CDHR1: variants seen among roughly 807,000 people sequenced by gnomAD.
The protein encoded by CDHR1 is cadherin related family member 1.
A neutral mutation model predicts 72.1 loss-of-function variants in CDHR1; 61 were observed. That is an observed-to-expected ratio of 0.85 (90% CI 0.69 to 1.05). The LOEUF is 1.05. Ranked by LOEUF, CDHR1 falls within the 50% of genes least tolerant of loss-of-function variation. The pLI, the probability that CDHR1 is intolerant of heterozygous loss-of-function variation, is 0.00. For missense variants in CDHR1, 1,186 were observed against 1,115.7 expected, an observed-to-expected ratio of 1.06 and a Z score of -0.90; for synonymous variants, 470 against 448.1, an observed-to-expected ratio of 1.05 and a Z score of -0.62.
In CDHR1 at chr10:84,208,198, A is replaced by G. The variant is rs1564662186; in HGVS notation, c.988A>G (p.Ser330Gly). The change falls in exon 11 of 17, where the codon AGC becomes GGC. Residue 330 changes from serine (S) to glycine (G), a missense_variant. Ser to Gly is a moderately conservative substitution (Grantham distance 56). Transcript: ENST00000623527. ...GGTGACTGAAATGAGCCCTGCGGGG[A>G]GCCCAGCTGCCCAGGCCACCGTCCC... ...VQVTEMSPAGSPAAQATVPVT... is the reference protein window; with the variant it reads ...VQVTEMSPAGGPAAQATVPVT... 6.2e-7 allele frequency: 1 copy of G among 1,614,068 alleles called. No individual in the cohort carries two copies. The highest frequency in any genetic ancestry group is 8.5e-7 in the Non-Finnish European group (1 of 1,180,022).
intron 13 of CDHR1, 80 bp from the exon 14 acceptor site, chr10:84,211,568 A>G: frequency 1.5e-6 from 2 of 1,320,232 alleles, no homozygotes; most frequent in South Asian, 1.2e-5. Flanking sequence ...TTTGTGGTTG[A>G]AAGCAACCCT....
chr10:84,217,870 A>G lies in CDHR1; in HGVS notation c.*3249A>G. 2.0e-6 allele frequency: 2 copies of G among 985,440 alleles called. No homozygotes were observed. The highest frequency in any genetic ancestry group is 1.7e-5 in the African/African-American group (1 of 57,350). The allele number at this position is 985,440 out of a possible 1,614,324, so 61.0% of individuals were successfully genotyped here. A position where few individuals can be genotyped will look rare whatever the true frequency, so the allele number is the denominator to read the frequency against. On this transcript the variant is annotated 3_prime_UTR_variant, in exon 17 of 17. Transcript: ENST00000623527. ...CATTTGGGCGTTGACATTCCAGGGG[A>G]GTTAGGAACAATGAGAGGTCTCTAA... is the stretch of plus-strand genomic sequence containing the variant.
Position 84,213,081 on chromosome 10 carries a change from C to T in CDHR1, c.1783-10C>T, listed in dbSNP as rs1165573348. 6.2e-7 allele frequency: 1 copy of T among 1,614,112 alleles called. No homozygotes were observed. Among genetic ancestry groups the T allele is most frequent in the Non-Finnish European group, 8.5e-7 (1 of 1,180,052 alleles). ...AAAGCCCAGCTCTGTCTGTCTCTCCCTGCGCACAGGCCATAGACGAGGATG... is the reference window on the plus strand; with the variant it reads ...AAAGCCCAGCTCTGTCTGTCTCTCCTTGCGCACAGGCCATAGACGAGGATG... On this transcript the variant is annotated splice_polypyrimidine_tract_variant and intron_variant, in intron 15 of 16. Transcript: ENST00000623527.
At position 84,204,550 on chromosome 10, in the gene CDHR1, C is replaced by T. The variant is rs768428118; in HGVS notation, c.807C>T (p.Val269=). The T allele has an allele frequency of 8.7e-6, 14 of 1,613,358 alleles. No individual in the cohort carries two copies. Among genetic ancestry groups the T allele is most frequent in the South Asian group, 1.1e-5 (1 of 91,060 alleles). The change falls in exon 9 of 17, where the codon GTC becomes GTT. Residue 269 remains valine (V), a synonymous_variant. Coordinates refer to ENST00000623527, the MANE Select transcript of CDHR1 (RefSeq NM_033100.4). ...TLPGSEVLKV[V]AMDGDRGKPN... Reference sequence around the variant, plus strand: ...AGGGCTCGGAGGTACTGAAGGTGGTCGCCATGGATGGAGACCGGGGCAAAC... The same window carrying T: ...AGGGCTCGGAGGTACTGAAGGTGGTTGCCATGGATGGAGACCGGGGCAAAC...
At position 84,218,135 on chromosome 10, in the gene CDHR1, G is replaced by A; in HGVS notation, c.*3514G>A. On this transcript the variant is annotated 3_prime_UTR_variant, in exon 17 of 17. Transcript: ENST00000623527. ...AAGGCCTTGGCCACCAAGGGATGGAGAGGGAGAATGGAGAAGATGCCACAT... is the reference window on the plus strand; with the variant it reads ...AAGGCCTTGGCCACCAAGGGATGGAAAGGGAGAATGGAGAAGATGCCACAT... 2 of 985,528 alleles carry A rather than the reference G, an allele frequency of 2.0e-6. No homozygotes were observed. The highest frequency in any genetic ancestry group is 2.4e-6 in the Non-Finnish European group (2 of 829,974). 61.0% of individuals were successfully genotyped at this position (985,528 alleles called of 1,614,324 possible).
Position 84,218,474 on chromosome 10 carries a change from C to T in CDHR1, c.*3853C>T. 1.0e-6 allele frequency: 1 copy of T among 985,420 alleles called. No individual in the cohort carries two copies. Among genetic ancestry groups the T allele is most frequent in the South Asian group, 4.7e-5 (1 of 21,294 alleles). 61.0% of individuals were successfully genotyped at this position (985,420 alleles called of 1,614,324 possible). ...GAGTATATCTTCTGTGCCAGGCTCT[C>T]TTCTAGGTGTTAGGTGTATGTCTCT... is the stretch of plus-strand genomic sequence containing the variant. On this transcript the variant is annotated 3_prime_UTR_variant, in exon 17 of 17. Coordinates refer to ENST00000623527, the MANE Select transcript of CDHR1 (RefSeq NM_033100.4).
chr10:84,195,358 C>T lies in CDHR1; in HGVS notation c.56-136C>T, dbSNP rs1170876875. 7 of 808,872 alleles carry T rather than the reference C, an allele frequency of 8.7e-6. No homozygotes were observed. In the African/African-American group the frequency reaches 1.0e-4, roughly 12 times the overall value. 50.1% of individuals were successfully genotyped at this position (808,872 alleles called of 1,614,324 possible). ...GGCGCCCCAGTGGGGTCCCTCGGTG[C>T]ACTTGGGTTGGGGAGGCGGAGCGCC... On this transcript the variant is annotated intron_variant, in intron 1 of 16. Coordinates refer to ENST00000623527, the MANE Select transcript of CDHR1 (RefSeq NM_033100.4).
chr10:84,203,101 A>C lies in CDHR1; in HGVS notation c.761A>C (p.Tyr254Ser). 1 of 1,614,166 alleles carries C rather than the reference A, an allele frequency of 6.2e-7. No individual in the cohort carries two copies. Among genetic ancestry groups the C allele is most frequent in the South Asian group, 1.1e-5 (1 of 91,082 alleles). ...TTCGTGGGCACACCCTACTATGGCT[A>C]TGTGTACGAGGACACCCTTCCGGTG... ...PVFVGTPYYG[Y>S]VYEDTLPGSE... is the part of the protein sequence containing the mutation. The change falls in exon 8 of 17, where the codon TAT becomes TCT. Residue 254 changes from tyrosine to serine, a missense_variant. Transcript: ENST00000623527.
chr10:84,211,562 T>A (rs1842331768), intron 13 of CDHR1, 86 bp from the exon 14 acceptor site: 2 of 1,213,830 alleles, frequency 1.6e-6, no homozygotes, highest in Non-Finnish European at 2.4e-6. Flanking sequence ...CCTTGCTTTG[T>A]GGTTGAAAGC....
downstream of CDHR1, chr10:84,219,424 C>G (rs565553017): frequency 5.4e-4 from 698 of 1,299,302 alleles, 4 homozygotes; most frequent in Middle Eastern, 1.3e-3. Flanking sequence ...CAGCCCTTCT[C>G]TCATCCTGAC....
Position 84,214,417 on chromosome 10 carries a change from G to A in CDHR1, c.2376G>A (p.Pro792=), listed in dbSNP as rs756550057. The A allele has an allele frequency of 1.2e-6, 2 of 1,613,544 alleles. No individual in the cohort carries two copies. Among genetic ancestry groups the A allele is most frequent in the Non-Finnish European group, 8.5e-7 (1 of 1,180,020 alleles). Residue 792 remains proline (P), a synonymous_variant, in exon 17 of 17, where the codon CCG becomes CCA. Coordinates refer to ENST00000623527, the MANE Select transcript of CDHR1 (RefSeq NM_033100.4). The stretch of plus-strand genomic sequence containing the variant: ...AAAGCTCTCTGCTCCCGAGAGCTCC[G>A]GCTCTCCCTCCACCACCCAGCGTGG... ...SPESSLLPRA[P]ALPPPPSVAP...
rs1180788307 is a variant in CDHR1, at chr10:84,197,850, C to T, written c.348+14C>T. ...GGCCTGAATCTGGTGAGTGCACGTC[C>T]AAGGCAGTCCCTGGCAGCCTGCAGT... On this transcript the variant is annotated intron_variant, in intron 4 of 16. Coordinates refer to ENST00000623527, the MANE Select transcript of CDHR1 (RefSeq NM_033100.4). 2.4e-5 allele frequency: 39 copies of T among 1,611,886 alleles called. No homozygotes were observed. Among genetic ancestry groups the T allele is most frequent in the Non-Finnish European group, 3.2e-5 (38 of 1,178,414 alleles).
At chr10:84,195,845 C>T (rs1272607908) in intron 2 of CDHR1, among the ~76,000 whole-genome samples, 1 of 152,228 alleles carries the variant, frequency 6.6e-6, no homozygotes, top group Non-Finnish European at 1.5e-5. Context: ...ACAGCTGCCC[C>T]TTATGGCTGT....
intron 9 of CDHR1, 98 bp downstream of exon 9, chr10:84,204,703 G>C: frequency 1.2e-6 from 1 of 827,686 alleles, no homozygotes; most frequent in South Asian, 1.4e-5. Flanking sequence ...TCACCTGTAG[G>C]ACCAGGATTA....
At chr10:84,210,922 T>C in intron 12 of CDHR1, 79 bp from the exon 13 acceptor site, 1 of 1,469,052 alleles carries the variant, frequency 6.8e-7, no homozygotes, top group South Asian at 1.1e-5. Context: ...GCCACATCAG[T>C]CCTGGGGAGA....
chr10:84,208,846 A>G lies in CDHR1; in HGVS notation c.1285A>G (p.Ile429Val). The G allele has an allele frequency of 6.2e-7, 1 of 1,614,196 alleles. No individual in the cohort carries two copies. The highest frequency in any genetic ancestry group is 1.3e-5 in the African/African-American group (1 of 75,050). Reference protein sequence around the residue: ...VTIIVENSAAIDFEKSKVLTF... With the variant: ...VTIIVENSAAVDFEKSKVLTF... ...AATCATTGTGGAGAACTCAGCTGCC[A>G]TTGACTTTGAAAAGTCCAAAGTATT... The change falls in exon 12 of 17, where the codon ATT becomes GTT. Residue 429 changes from isoleucine to valine, a missense_variant. Coordinates refer to ENST00000623527, the MANE Select transcript of CDHR1 (RefSeq NM_033100.4).
rs1589306127 is a variant in CDHR1, at chr10:84,211,061, C to T, written c.1381C>T (p.Gln461Ter). 6.2e-7 allele frequency: 1 copy of T among 1,614,204 alleles called. No homozygotes were observed. The highest frequency in any genetic ancestry group is 1.6e-4 in the Middle Eastern group (1 of 6,062). The change falls in exon 13 of 17, where the codon CAG becomes TAG. Residue 461 changes from glutamine to a stop codon, truncating the protein, a stop_gained. Coordinates refer to ENST00000623527, the MANE Select transcript of CDHR1 (RefSeq NM_033100.4). LOFTEE classifies it high-confidence loss of function. The stretch of plus-strand genomic sequence containing the variant: ...CAGTTCCACAGCGGATGTTGTGATC[C>T]AGCTCCTGGACACCAATGACAATGT... ...KFSSTADVVI[Q>*]LLDTNDNVPK...
chr10:84,201,860 G>A lies in CDHR1; in HGVS notation c.579G>A (p.Gln193=), dbSNP rs150979616. 2.0e-4 allele frequency: 321 copies of A among 1,609,846 alleles called. 1 individual carries two copies. In the African/African-American group the frequency reaches 4.0e-3, roughly 20 times the overall value. ...GCCACAGCGGTGTGCTGCGCCTCCAGGCTGGGGCCACTCTGGACTACGAGA... is the reference window on the plus strand; with the variant it reads ...GCCACAGCGGTGTGCTGCGCCTCCAAGCTGGGGCCACTCTGGACTACGAGA... ...VDRHSGVLRL[Q]AGATLDYERS... The change falls in exon 7 of 17, where the codon CAG becomes CAA. Residue 193 remains glutamine, a synonymous_variant. Coordinates refer to ENST00000623527, the MANE Select transcript of CDHR1 (RefSeq NM_033100.4).
At chr10:84,209,005 C>A in intron 12 of CDHR1, 124 bp downstream of exon 12, 1 of 1,065,648 alleles carries the variant, frequency 9.4e-7, no homozygotes. Context: ...CTCTTTTCTT[C>A]TCCAGCCCTC....
Sources: gnomAD v4.1 joint callset for allele counts (sites outside exome capture counted in the v4.1 genomes callset) on GRCh38, gnomAD v4.1.1 for gene constraint, MANE v1.5 for transcripts, NCBI Gene and HGNC (gene_info 2026-07-23, HGNC 2026-07-21) for gene names.